Variants in TSGA13 observed in about 807,000 individuals in gnomAD.
TSGA13 encodes testis specific 13, also known as testis-specific gene 13 protein.
TSGA13 carries 37 observed loss-of-function variants against 35.1 expected under a neutral mutation model. That is an observed-to-expected ratio of 1.05 (90% CI 0.81 to 1.39). The LOEUF is 1.39. Among genes scored for constraint, TSGA13 ranks in the 40% most tolerant of loss-of-function variants. The pLI is 0.00. For synonymous variants in TSGA13, 124 were observed against 121.2 expected (o/e 1.02, Z -0.15); for missense variants, 338 against 328.5 (o/e 1.03, Z -0.22).
intron 3 of TSGA13, among the ~76,000 whole-genome samples, chr7:130,682,419 C>T (rs1184983236): frequency 1.3e-5 from 2 of 151,936 alleles, no homozygotes; most frequent in Non-Finnish European, 2.9e-5. Flanking sequence ...CATGCCTGGC[C>T]TATTTTTTAT....
chr7:130,682,210 C>G (rs1281033210), intron 3 of TSGA13, among the ~76,000 whole-genome samples: 8 of 152,066 alleles, frequency 5.3e-5, no homozygotes, highest in African/African-American at 1.9e-4. Context: ...ACCTCTGCCT[C>G]CCGGGTTCAA....
intron 7 of TSGA13, among the ~76,000 whole-genome samples, chr7:130,671,028 A>G (rs534761988): frequency 6.6e-6 from 1 of 152,246 alleles, no homozygotes; most frequent in Non-Finnish European, 1.5e-5. Context: ...CTGTTAAATA[A>G]ATGATAATAT....
chr7:130,668,791 A>G lies in TSGA13; in HGVS notation c.*223T>C. 7.6e-7 allele frequency: 1 copy of G among 1,318,114 alleles called. No individual in the cohort carries two copies. The highest frequency in any genetic ancestry group is 1.0e-6 in the Non-Finnish European group (1 of 985,408). The allele number at this position is 1,318,114 out of a possible 1,614,324, so 81.7% of individuals were successfully genotyped here. A position where few individuals can be genotyped will look rare whatever the true frequency, so the allele number is the denominator to read the frequency against. On this transcript the variant is annotated 3_prime_UTR_variant, in exon 8 of 8. Transcript: ENST00000356588. ...ACGCCGGTTGGGCCGCCGCGCCTTCACTCGGGGCCAAGGCCCGCCCTCCCC... is the reference window on the plus strand; with the variant it reads ...ACGCCGGTTGGGCCGCCGCGCCTTCGCTCGGGGCCAAGGCCCGCCCTCCCC...
chr7:130,668,656 AT>A lies in TSGA13; in HGVS notation c.*357del. ...CCAGACTCCTCGTCCTTCTTGTCGA[AT>A]TTTTTAATCATCTTGGACGACTTCC... On this transcript the variant is annotated 3_prime_UTR_variant, in exon 8 of 8. Transcript: ENST00000356588. 5 of 1,544,110 alleles carry A rather than the reference AT, an allele frequency of 3.2e-6. No homozygotes were observed. The highest frequency in any genetic ancestry group is 2.7e-5 in the East Asian group (1 of 37,364).
At chr7:130,686,708 A>G (rs1294187857), upstream of TSGA13, 1 of 150,216 alleles carries the variant, frequency 6.7e-6, no homozygotes, top group Non-Finnish European at 1.5e-5. Flanking sequence ...ACACACACAC[A>G]CACACACACA....
At chr7:130,686,662 A>C (rs1201049001), upstream of TSGA13, 3 of 148,318 alleles carry the variant, frequency 2.0e-5, no homozygotes, top group African/African-American at 5.0e-5. Context: ...AAAATCTGCC[A>C]ATCTCTTATT....
chr7:130,670,801 AT>A (rs1796249403), intron 7 of TSGA13, among the ~76,000 whole-genome samples: 1 of 151,940 alleles, frequency 6.6e-6, no homozygotes, highest in Non-Finnish European at 1.5e-5. Context: ...TTTTTAAATT[AT>A]TTTTTGTAGA....
chr7:130,676,112 T>A (rs1191372782), intron 5 of TSGA13, among the ~76,000 whole-genome samples: 1 of 152,252 alleles, frequency 6.6e-6, no homozygotes, highest in Non-Finnish European at 1.5e-5. Context: ...ACTCACAGTC[T>A]TTTTGGATGC....
rs74939660 is a variant in TSGA13 at position 130,684,522 on chromosome 7, C to T, written c.23+666G>A. Reference sequence around the variant, plus strand: ...AAGAAGAATTATGCAACTATCTCAACTAGACCTCTCTCCTTTAAAAATGAG... The same window carrying T: ...AAGAAGAATTATGCAACTATCTCAATTAGACCTCTCTCCTTTAAAAATGAG... On this transcript the variant is annotated intron_variant, in intron 2 of 7. Coordinates refer to ENST00000356588, the MANE Select transcript of TSGA13 (RefSeq NM_052933.4). Among the ~76,000 whole-genome samples the T allele has an allele frequency of 9.1e-3, 1,388 of 152,332 alleles. 7 individuals are homozygous for T. Among genetic ancestry groups the T allele is most frequent in the Non-Finnish European group, 0.013 (863 of 68,030 alleles).
chr7:130,671,595 C>T, intron 7 of TSGA13, 66 bp downstream of exon 7: 1 of 1,447,582 alleles, frequency 6.9e-7, no homozygotes, highest in Admixed American at 2.0e-5. Context: ...CTATAATCCT[C>T]ATGGATTGTA....
At position 130,683,657 on chromosome 7, in the gene TSGA13, T is replaced by C. The variant is rs782053813; in HGVS notation, c.39A>G (p.Lys13=). ...QKRQTKFQNG[K]SKTSENSSAK... ...CTGAGCTATTTTCTGAAGTCTTTGA[T>C]TTGCCATTTTGAAACCTGAAAAAGA... The change falls in exon 3 of 8, where the codon AAA becomes AAG. Residue 13 remains lysine (K), a synonymous_variant. Coordinates refer to ENST00000356588, the MANE Select transcript of TSGA13 (RefSeq NM_052933.4). The C allele has an allele frequency of 6.2e-7, 1 of 1,613,906 alleles. No homozygotes were observed. The highest frequency in any genetic ancestry group is 8.5e-7 in the Non-Finnish European group (1 of 1,179,824).
chr7:130,686,733 C>CACACAT (rs1796668695), upstream of TSGA13: 1 of 150,004 alleles, frequency 6.7e-6, no homozygotes, highest in Non-Finnish European at 1.5e-5. Context: ...CACACACACA[C>CACACAT]ACACACATCT....
chr7:130,683,722 G>T, intron 2 of TSGA13, 50 bp from the exon 3 acceptor site: 3 of 1,548,976 alleles, frequency 1.9e-6, no homozygotes, highest in South Asian at 1.1e-5. Context: ...CAGAGGCCTG[G>T]ACTTCTGCAT....
At chr7:130,683,985 A>G (rs1267208075) in intron 2 of TSGA13, among the ~76,000 whole-genome samples, 1 of 152,224 alleles carries the variant, frequency 6.6e-6, no homozygotes, top group African/African-American at 2.4e-5. Flanking sequence ...CGACTGCTTA[A>G]GGAAATTATT....
intron 5 of TSGA13, among the ~76,000 whole-genome samples, chr7:130,677,668 G>T (rs868996370): frequency 4.0e-5 from 6 of 151,162 alleles, no homozygotes; most frequent in African/African-American, 1.2e-4. Context: ...CAAGTGATCT[G>T]CCCGCCTCAG....
intron 7 of TSGA13, 61 bp from the exon 8 acceptor site, chr7:130,669,244 T>G: frequency 6.2e-7 from 1 of 1,604,554 alleles, no homozygotes; most frequent in Non-Finnish European, 8.5e-7. Context: ...GAAGGATACT[T>G]AATGTGAGAT....
rs782262457 is a variant in TSGA13 at position 130,671,678 on chromosome 7, C to T, written c.641G>A (p.Arg214Lys). The change falls in exon 7 of 8, where the codon AGA becomes AAA. Residue 214 changes from arginine to lysine, a missense_variant. Physicochemically the swap from Arg to Lys is conservative, Grantham distance 26. Coordinates refer to ENST00000356588, the MANE Select transcript of TSGA13 (RefSeq NM_052933.4). ...PQLTFAPVHE[R>K]DMRKDASKKS... ...GAGCTTACCATCTTTCCTCATATCT[C>T]TCTCATGGACTGGAGCAAAGGTGAG... 7.5e-6 allele frequency: 12 copies of T among 1,595,182 alleles called. No homozygotes were observed. The East Asian group carries it at 2.5e-4, about 33-fold the overall frequency.
intron 4 of TSGA13, among the ~76,000 whole-genome samples, chr7:130,680,431 A>G (rs1003739963): frequency 9.3e-5 from 14 of 151,262 alleles, no homozygotes; most frequent in Non-Finnish European, 1.6e-4. Flanking sequence ...GCATGAACCC[A>G]GGGGGCGGAG....
chr7:130,668,860 C>G lies in TSGA13; in HGVS notation c.*154G>C. Reference sequence around the variant, plus strand: ...GGACGCAGCCACGCCCCCTTCTCCTCTTGCGGCCCGCCGGAGACTTCGGCT... The same window carrying G: ...GGACGCAGCCACGCCCCCTTCTCCTGTTGCGGCCCGCCGGAGACTTCGGCT... On this transcript the variant is annotated 3_prime_UTR_variant, in exon 8 of 8. Coordinates refer to ENST00000356588, the MANE Select transcript of TSGA13 (RefSeq NM_052933.4). 1.5e-6 allele frequency: 2 copies of G among 1,366,334 alleles called. No individual in the cohort carries two copies. Among genetic ancestry groups the G allele is most frequent in the South Asian group, 2.9e-5 (2 of 69,676 alleles). 84.6% of individuals were successfully genotyped at this position (1,366,334 alleles called of 1,614,324 possible).
Sources: gnomAD v4.1 joint callset for allele counts (sites outside exome capture counted in the v4.1 genomes callset) on GRCh38, gnomAD v4.1.1 for gene constraint, MANE v1.5 for transcripts, NCBI Gene and HGNC (gene_info 2026-07-23, HGNC 2026-07-21) for gene names.